TTC39B: variants seen among roughly 807,000 people sequenced by gnomAD.
The protein encoded by TTC39B is tetratricopeptide repeat domain 39B.
TTC39B carries 92 observed loss-of-function variants against 96.6 expected under a neutral mutation model. The ratio of observed to expected loss-of-function variants is 0.95; its 90% CI spans 0.80 to 1.13. The LOEUF is 1.13. TTC39B is among the 50% of genes most tolerant of loss of function. The pLI is 0.00. For missense variants in TTC39B, 955 were observed against 809.3 expected, an observed-to-expected ratio of 1.18 and a Z score of -2.18; for synonymous variants, 367 against 299.4, an observed-to-expected ratio of 1.23 and a Z score of -2.33.
rs542335082 is a variant in TTC39B, at chr9:15,195,530, C to T, written c.825-2835G>A. ...ACTAAAAATACAAAAATTAGCCAGG[C>T]ACGGTGGCGCACACCTGTAGCCTCA... is the stretch of plus-strand genomic sequence containing the variant. On this transcript the variant is annotated intron_variant, in intron 8 of 19. Coordinates refer to ENST00000512701, the Ensembl canonical transcript of TTC39B. Among the ~76,000 whole-genome samples the T allele has an allele frequency of 1.2e-3, 189 of 151,958 alleles. 1 individual carries two copies. Among genetic ancestry groups the T allele is most frequent in the Non-Finnish European group, 2.2e-3 (152 of 67,956 alleles).
rs1820700382 is a variant in TTC39B at position 15,219,185 on chromosome 9, C to T, written c.372-4936G>A. Among the ~76,000 whole-genome samples, 3 of 152,194 alleles carry T rather than the reference C, an allele frequency of 2.0e-5. No individual in the cohort carries two copies. The South Asian group carries it at 6.2e-4, about 31-fold the overall frequency. ...CTTTACCTCTGTAAGTCTCAGCTTC[C>T]TTATCTGTAAGATAGGGATCATTAA... On this transcript the variant is annotated intron_variant, in intron 3 of 19. Coordinates refer to ENST00000512701, the Ensembl canonical transcript of TTC39B.
chr9:15,247,365 A>G (rs1381768834), intron 2 of TTC39B, among the ~76,000 whole-genome samples: 1 of 152,212 alleles, frequency 6.6e-6, no homozygotes, highest in Non-Finnish European at 1.5e-5. Flanking sequence ...TCATTCAGAA[A>G]GGAAATGGAC....
intron 1 of TTC39B, among the ~76,000 whole-genome samples, chr9:15,283,190 A>T (rs1233690250): frequency 2.0e-5 from 3 of 152,186 alleles, no homozygotes; most frequent in African/African-American, 7.2e-5. Flanking sequence ...GAATACACTA[A>T]TGTGTTTATT....
At chr9:15,235,731 A>G (rs952318174) in intron 2 of TTC39B, among the ~76,000 whole-genome samples, 10 of 152,208 alleles carry the variant, frequency 6.6e-5, no homozygotes, top group African/African-American at 2.4e-4. Flanking sequence ...ATCAATGAAG[A>G]AGAAATAAAA....
chr9:15,254,593 A>G (rs1586963901), intron 2 of TTC39B, among the ~76,000 whole-genome samples: 1 of 152,264 alleles, frequency 6.6e-6, no homozygotes, highest in East Asian at 1.9e-4. Context: ...TTAGTAACTA[A>G]GTTCTGCTGA....
In TTC39B at chr9:15,305,049, G is replaced by A. The variant is rs142445856; in HGVS notation, c.240+2035C>T. Among the ~76,000 whole-genome samples, 562 of 152,110 alleles carry A rather than the reference G, an allele frequency of 3.7e-3. 5 individuals carry two copies. Among genetic ancestry groups the A allele is most frequent in the African/African-American group, 0.012 (512 of 41,386 alleles). ...ACTATCAGACTCTTCTTAAATACGT[G>A]AAAAGCTTCCTAGCTGAAATAAGCT... On this transcript the variant is annotated intron_variant, in intron 1 of 19. Transcript: ENST00000512701.
intron 2 of TTC39B, among the ~76,000 whole-genome samples, chr9:15,265,759 T>C (rs1186551743): frequency 6.6e-6 from 1 of 152,186 alleles, no homozygotes; most frequent in Non-Finnish European, 1.5e-5. Flanking sequence ...CGTGGATCTT[T>C]GCTATGATGT....
chr9:15,302,377 G>A (rs545757123), intron 1 of TTC39B, among the ~76,000 whole-genome samples: 2 of 151,506 alleles, frequency 1.3e-5, no homozygotes, highest in East Asian at 3.9e-4. Context: ...AGCACTTTGG[G>A]AGGTCGAGGT....
chr9:15,185,227 C>T, intron 16 of TTC39B, 53 bp downstream of exon 16: 7 of 1,558,778 alleles, frequency 4.5e-6, no homozygotes, highest in Middle Eastern at 1.8e-4. Context: ...CTCCCTGCTG[C>T]TGTGAGTAGG....
At chr9:15,287,841 G>C (rs1190006887) in intron 1 of TTC39B, among the ~76,000 whole-genome samples, 2 of 151,140 alleles carry the variant, frequency 1.3e-5, no homozygotes, top group Non-Finnish European at 2.9e-5. Context: ...AGCTACTCGG[G>C]AAGCTGAGGC....
At chr9:15,295,900 G>A (rs548177251) in intron 1 of TTC39B, among the ~76,000 whole-genome samples, 1 of 152,288 alleles carries the variant, frequency 6.6e-6, no homozygotes, top group Admixed American at 6.5e-5. Context: ...GGTGACATAT[G>A]AGTACTTTTG....
At chr9:15,190,459 C>T (rs1479251847) in intron 11 of TTC39B, 95 bp downstream of exon 11, 2 of 1,106,962 alleles carry the variant, frequency 1.8e-6, no homozygotes, top group Admixed American at 1.9e-5. Context: ...GATCCTCCCA[C>T]CTCAGCCTCC....
intron 2 of TTC39B, among the ~76,000 whole-genome samples, chr9:15,231,852 T>G (rs1159478372): frequency 1.3e-5 from 2 of 152,192 alleles, no homozygotes; most frequent in Non-Finnish European, 2.9e-5. Context: ...AAGGAATGAG[T>G]GTAGATAGGC....
At chr9:15,238,601 C>A (rs1002640718) in intron 2 of TTC39B, among the ~76,000 whole-genome samples, 1 of 152,122 alleles carries the variant, frequency 6.6e-6, no homozygotes, top group Non-Finnish European at 1.5e-5. Flanking sequence ...ACAAGAAGAA[C>A]AACAAAACAC....
At chr9:15,191,115 T>C in intron 10 of TTC39B, 75 bp downstream of exon 10, 1 of 1,005,498 alleles carries the variant, frequency 9.9e-7, no homozygotes, top group South Asian at 1.4e-5. Flanking sequence ...TATGCAGACA[T>C]GTTGCATTGC....
At chr9:15,240,146 C>A (rs1219998843) in intron 2 of TTC39B, among the ~76,000 whole-genome samples, 1 of 152,172 alleles carries the variant, frequency 6.6e-6, no homozygotes, top group East Asian at 1.9e-4. Flanking sequence ...CAAGAAGAGC[C>A]CAAAAATAAA....
chr9:15,202,471 G>A (rs1470892418), intron 7 of TTC39B, among the ~76,000 whole-genome samples: 1 of 152,126 alleles, frequency 6.6e-6, no homozygotes, highest in Non-Finnish European at 1.5e-5. Context: ...CAGCACTTTG[G>A]GAGGCCGAGG....
At chr9:15,175,684 A>C (rs1245609839) in intron 18 of TTC39B, among the ~76,000 whole-genome samples, 3 of 152,230 alleles carry the variant, frequency 2.0e-5, no homozygotes, top group Non-Finnish European at 4.4e-5. Context: ...CCAGAACATA[A>C]GAAAAAACCC....
intron 7 of TTC39B, 152 bp from the exon 8 acceptor site, chr9:15,200,077 C>T (rs1819445669): frequency 2.1e-6 from 1 of 486,020 alleles, no homozygotes; most frequent in African/African-American, 2.0e-5. Flanking sequence ...CATACTCTTG[C>T]TTTACATTTA....
Sources: gnomAD v4.1 joint callset for allele counts (sites outside exome capture counted in the v4.1 genomes callset) on GRCh38, gnomAD v4.1.1 for gene constraint, MANE v1.5 for transcripts, NCBI Gene and HGNC (gene_info 2026-07-23, HGNC 2026-07-21) for gene names.